The following LTN1 variants were observed in gnomAD, a reference collection of about 807,000 sequenced individuals.
LTN1 encodes the protein E3 ubiquitin-protein ligase listerin.
In LTN1, 88 loss-of-function variants were observed where a neutral mutation model predicts 201.2. The ratio of observed to expected loss-of-function variants is 0.44; its 90% CI spans 0.37 to 0.52. The LOEUF (loss-of-function observed/expected upper bound fraction) is 0.52. Ranked by LOEUF, LTN1 falls within the 20% of genes least tolerant of loss-of-function variation. The pLI is 0.00. For synonymous variants in LTN1, 645 were observed against 713.5 expected, an observed-to-expected ratio of 0.90 and a Z score of 1.53; for missense variants, 1,752 against 2,038.7, an observed-to-expected ratio of 0.86 and a Z score of 2.71.
At chr21:28,939,120 C>T (rs4816337) in intron 25 of LTN1, among the ~76,000 whole-genome samples, 24,691 of 152,050 alleles carry the variant, frequency 0.16, 2,427 homozygotes, top group East Asian at 0.49. Flanking sequence ...AATAAAAATA[C>T]TAAAAACTTT....
chr21:28,947,525 A>G lies in LTN1; in HGVS notation c.3426T>C (p.Phe1142=). The G allele has an allele frequency of 2.5e-6, 4 of 1,593,154 alleles. No individual in the cohort carries two copies. The highest frequency in any genetic ancestry group is 2.3e-5 in the East Asian group (1 of 44,024). Residue 1142 remains phenylalanine, a synonymous_variant, in exon 19 of 30, where the codon TTT becomes TTC. Transcript: ENST00000361371. The part of the protein sequence containing the change: ...PFLSKEEKKE[F]SAQCIPALLG... Reference sequence around the variant, plus strand: ...AAAGAGCAGGTATACATTGAGCACTAAATTCTTTCTTTTCTTCTTTTGACA... The same window carrying G: ...AAAGAGCAGGTATACATTGAGCACTGAATTCTTTCTTTTCTTCTTTTGACA...
intron 6 of LTN1, among the ~76,000 whole-genome samples, chr21:28,976,366 A>C (rs901178850): frequency 6.6e-6 from 1 of 152,092 alleles, no homozygotes; most frequent in African/African-American, 2.4e-5. Context: ...TTGGGAGGCC[A>C]AGCCTGGTGG....
chr21:28,960,866 T>G (rs1402427856), intron 11 of LTN1, 160 bp from the exon 12 acceptor site: 1 of 571,314 alleles, frequency 1.8e-6, no homozygotes, highest in African/African-American at 1.9e-5. Flanking sequence ...GTATCCTCCC[T>G]GTTCCCCATT....
chr21:28,931,285 T>G lies in LTN1; in HGVS notation c.5108A>C (p.Asn1703Thr). 6.2e-7 allele frequency: 1 copy of G among 1,611,860 alleles called. No homozygotes were observed. Reference protein sequence around the residue: ...SIMEGLALWKNNVDKRFEGVE... With the variant: ...SIMEGLALWKTNVDKRFEGVE... ...ACCCTCAAAACGTTTGTCTACGTTA[T>G]TTTTCCATAAAGCTAAGCCTTCCAT... The change falls in exon 29 of 30, where the codon AAT becomes ACT. Residue 1703 changes from asparagine to threonine, a missense_variant. Transcript: ENST00000361371.
At position 28,946,152 on chromosome 21, in the gene LTN1, C is replaced by A. The variant is rs1310334758; in HGVS notation, c.3623G>T (p.Cys1208Phe). ...KEHEDIFLFS[C>F]NLSEASPEVL... ...AAACATAGTATAAAGTATCACCTAC[C>A]AACTGAAAAGAAAAATATCTTCATG... The change falls in exon 20 of 30, where the codon TGT becomes TTT. Residue 1208 changes from cysteine (C) to phenylalanine (F), a missense_variant and splice_region_variant. By Grantham distance (205) the Cys-to-Phe change is radical. This residue lies in a region of LTN1 where 1,211 missense variants were observed against 1,312.8 expected (regional missense o/e 0.92). Transcript: ENST00000361371. 21 of 1,575,198 alleles carry A rather than the reference C, an allele frequency of 1.3e-5. No individual in the cohort carries two copies. The highest frequency in any genetic ancestry group is 1.7e-5 in the Non-Finnish European group (20 of 1,162,034).
In LTN1 at chr21:28,947,262, C is replaced by T. The variant is rs189140871; in HGVS notation, c.3487+202G>A. Among the ~76,000 whole-genome samples, 5 of 152,214 alleles carry T rather than the reference C, an allele frequency of 3.3e-5. 1 individual carries two copies. Among genetic ancestry groups the T allele is most frequent in the Admixed American group, 3.3e-4 (5 of 15,296 alleles). On this transcript the variant is annotated intron_variant, in intron 19 of 29. Coordinates refer to ENST00000361371, the MANE Select transcript of LTN1 (RefSeq NM_015565.3). ...GAAATGGTTAGAAGGTATTTCTGGG[C>T]GTAAGTCTTCCCTTAAGGCCCAGCA...
In LTN1 at chr21:28,969,222, C is replaced by CAA. The variant is rs35733846; in HGVS notation, c.1311+242_1311+243dup. ...GGCAACAAAGAGCGAAACTTTGTCT[C>CAA]AAAAAAAAAAGGGATTTTTGCATCC... On this transcript the variant is annotated intron_variant, in intron 9 of 29. Transcript: ENST00000361371. Among the ~76,000 whole-genome samples the CAA allele has an allele frequency of 6.2e-5, 9 of 145,212 alleles. No homozygotes were observed. The South Asian group carries it at 6.5e-4, about 10-fold the overall frequency.
chr21:28,933,745 C>T (rs935025302), intron 27 of LTN1, among the ~76,000 whole-genome samples: 1 of 149,158 alleles, frequency 6.7e-6, no homozygotes, highest in Non-Finnish European at 1.5e-5. Context: ...GGCGTGATCT[C>T]GGCTCACCAC....
Position 28,992,877 on chromosome 21 carries a change from T to G in LTN1, c.-72A>C, listed in dbSNP as rs1476629343. 5.0e-6 allele frequency: 8 copies of G among 1,611,838 alleles called. No individual in the cohort carries two copies. Among genetic ancestry groups the G allele is most frequent in the Non-Finnish European group, 5.9e-6 (7 of 1,179,078 alleles). The stretch of plus-strand genomic sequence containing the variant: ...CGTCCGGGACACAACTTCCGGCTTC[T>G]GGCGGCGGAAGAGGACACCCTGTAA... On this transcript the variant is annotated 5_prime_UTR_variant, in exon 1 of 30. Coordinates refer to ENST00000361371, the MANE Select transcript of LTN1 (RefSeq NM_015565.3).
chr21:28,991,501 A>T (rs1227402362), intron 1 of LTN1, among the ~76,000 whole-genome samples: 1 of 152,182 alleles, frequency 6.6e-6, no homozygotes, highest in Non-Finnish European at 1.5e-5. Context: ...TTCTGCAACT[A>T]ACTCTTATAA....
At chr21:28,952,469 G>T (rs1055199648) in intron 17 of LTN1, among the ~76,000 whole-genome samples, 6 of 152,140 alleles carry the variant, frequency 3.9e-5, no homozygotes, top group Non-Finnish European at 8.8e-5. Context: ...CTTCAAGGCT[G>T]GTATTGAGCT....
At chr21:28,960,784 T>C (rs2084471249) in intron 11 of LTN1, 78 bp from the exon 12 acceptor site, 2 of 946,852 alleles carry the variant, frequency 2.1e-6, no homozygotes, top group Non-Finnish European at 3.2e-6. Flanking sequence ...TTGTACCATA[T>C]TACTATCCCT....
chr21:28,964,890 A>C (rs2084508988), intron 11 of LTN1: 1 of 1,300,644 alleles, frequency 7.7e-7, no homozygotes, highest in South Asian at 1.9e-5. Flanking sequence ...CTACAGGGAG[A>C]GAAGGCACTA....
intron 10 of LTN1, among the ~76,000 whole-genome samples, 175 bp from the exon 11 acceptor site, chr21:28,966,081 T>C (rs1275661605): frequency 6.6e-6 from 1 of 152,208 alleles, no homozygotes; most frequent in Non-Finnish European, 1.5e-5. Context: ...CTAAAACTTT[T>C]AAAAAGTAAA....
At chr21:28,935,864 A>C (rs2084252722) in intron 26 of LTN1, among the ~76,000 whole-genome samples, 1 of 151,900 alleles carries the variant, frequency 6.6e-6, no homozygotes, top group African/African-American at 2.4e-5. Context: ...AAAAAGTGAA[A>C]ATCCCAATTG....
At chr21:28,957,245 G>A in intron 15 of LTN1, 87 bp downstream of exon 15, 1 of 1,288,130 alleles carries the variant, frequency 7.8e-7, no homozygotes, top group Non-Finnish European at 1.1e-6. Flanking sequence ...TTTTATTTAT[G>A]TTTTTCTTCC....
In LTN1 at chr21:28,992,815, T is replaced by G. The variant is rs1258233153; in HGVS notation, c.-10A>C. 6.2e-7 allele frequency: 1 copy of G among 1,614,210 alleles called. No homozygotes were observed. Among genetic ancestry groups the G allele is most frequent in the Non-Finnish European group, 8.5e-7 (1 of 1,180,032 alleles). Reference sequence around the variant, plus strand: ...TGTTCTTCCCGCCCATGGTCGCGGTTGCAGCTGTACTCTGAGCACTCAGAC... The same window carrying G: ...TGTTCTTCCCGCCCATGGTCGCGGTGGCAGCTGTACTCTGAGCACTCAGAC... On this transcript the variant is annotated 5_prime_UTR_variant, in exon 1 of 30. Coordinates refer to ENST00000361371, the MANE Select transcript of LTN1 (RefSeq NM_015565.3).
At chr21:28,963,853 C>T (rs2084499479) in intron 11 of LTN1, among the ~76,000 whole-genome samples, 1 of 152,106 alleles carries the variant, frequency 6.6e-6, no homozygotes, top group African/African-American at 2.4e-5. Flanking sequence ...AAGCTGATTC[C>T]AACCCTCATG....
In LTN1 at chr21:28,930,519, GA is replaced by G; in HGVS notation, c.5239-10del. 6.3e-7 allele frequency: 1 copy of G among 1,599,940 alleles called. No individual in the cohort carries two copies. Among genetic ancestry groups the G allele is most frequent in the Non-Finnish European group, 8.6e-7 (1 of 1,169,466 alleles). Reference sequence around the variant, plus strand: ...GATGTAAACCATTTGTACTGAAAAAGAAAAGGTTTTAAATACTAAAAGAACT... The same window carrying G: ...GATGTAAACCATTTGTACTGAAAAAGAAAGGTTTTAAATACTAAAAGAACT... On this transcript the variant is annotated splice_polypyrimidine_tract_variant and intron_variant, in intron 29 of 29. Transcript: ENST00000361371.
Sources: allele counts gnomAD v4.1 joint callset (sites outside exome capture counted in the v4.1 genomes callset), GRCh38; gene constraint gnomAD v4.1.1; regional missense constraint gnomAD v4.1.1; transcripts MANE v1.5; gene names NCBI Gene and HGNC (gene_info 2026-07-23, HGNC 2026-07-21).